AUTS2: variants seen among roughly 807,000 people sequenced by gnomAD.
AUTS2 encodes autism susceptibility gene 2 protein.
Under a neutral mutation model 112.4 loss-of-function variants are expected in AUTS2, and 17 were observed. That is an observed-to-expected ratio of 0.15 (90% confidence interval 0.10 to 0.23). AUTS2 has a LOEUF of 0.23. Among genes scored for constraint, AUTS2 ranks in the 10% least tolerant of loss-of-function variants. AUTS2 has a pLI of 1.00. For missense variants in AUTS2, 1,510 were observed against 1,701.6 expected, an observed-to-expected ratio of 0.89 and a Z score of 1.98; for synonymous variants, 751 against 702.7, an observed-to-expected ratio of 1.07 and a Z score of -1.09.
At chr7:70,581,420 C>T (rs373366932) in intron 5 of AUTS2, among the ~76,000 whole-genome samples, 15 of 152,022 alleles carry the variant, frequency 9.9e-5, no homozygotes, top group Non-Finnish European at 1.6e-4. Flanking sequence ...TAGCCGGGTG[C>T]GATGGCATGT....
At position 70,305,559 on chromosome 7, in the gene AUTS2, TTGGATTTCTGTAAC is replaced by T. The variant is rs140665854; in HGVS notation, c.661-130191_661-130178del. ...AATTTTATTGAATTGAGAAACATAC[TTGGATTTCTGTAAC>T]TCATGACAAGTAACAAATAAACAAT... On this transcript the variant is annotated intron_variant, in intron 4 of 18. Coordinates refer to ENST00000342771, the MANE Select transcript of AUTS2 (RefSeq NM_015570.4). Among the ~76,000 whole-genome samples the T allele has an allele frequency of 6.7e-3, 1,020 of 152,322 alleles. 8 individuals carry two copies. Among genetic ancestry groups the T allele is most frequent in the East Asian group, 0.051 (265 of 5,184 alleles).
At chr7:69,800,819 T>A (rs1790049739) in intron 1 of AUTS2, among the ~76,000 whole-genome samples, 1 of 152,196 alleles carries the variant, frequency 6.6e-6, no homozygotes, top group South Asian at 2.1e-4. Context: ...GCACTGTTCC[T>A]GAAGAGGGCT....
chr7:69,602,460 A>G (rs1679224555), intron 1 of AUTS2, among the ~76,000 whole-genome samples: 1 of 152,214 alleles, frequency 6.6e-6, no homozygotes. Flanking sequence ...AATTAAACAT[A>G]CAGAAGTAGA....
chr7:70,208,011 CAAAAAAA>C (rs61267230), intron 4 of AUTS2, among the ~76,000 whole-genome samples: 3 of 48,054 alleles, frequency 6.2e-5, no homozygotes, highest in Admixed American at 2.3e-4. Context: ...AACTCCATCT[CAAAAAAA>C]AAAAAAAAAA....
intron 4 of AUTS2, among the ~76,000 whole-genome samples, chr7:70,186,093 A>G (rs558268125): frequency 5.8e-4 from 89 of 152,176 alleles, no homozygotes; most frequent in Non-Finnish European, 1.2e-3. Context: ...TCAAAAGGTA[A>G]TTTCTTTTTG....
chr7:70,018,616 C>G (rs1800136963), intron 2 of AUTS2, among the ~76,000 whole-genome samples: 1 of 152,144 alleles, frequency 6.6e-6, no homozygotes, highest in African/African-American at 2.4e-5. Flanking sequence ...AATCCGATTC[C>G]TTATAAAAAA....
At chr7:70,124,588 G>T (rs1037179997) in intron 3 of AUTS2, among the ~76,000 whole-genome samples, 2 of 151,234 alleles carry the variant, frequency 1.3e-5, no homozygotes, top group Non-Finnish European at 2.9e-5. Flanking sequence ...TTCTGAGATG[G>T]TGTCTCGCTC....
At chr7:69,873,071 G>A (rs1199576565) in intron 1 of AUTS2, among the ~76,000 whole-genome samples, 1 of 151,616 alleles carries the variant, frequency 6.6e-6, no homozygotes, top group Non-Finnish European at 1.5e-5. Context: ...TCGAACTCCT[G>A]ACCTCAGCTG....
chr7:69,890,201 A>AATTT (rs1794459881), intron 1 of AUTS2, among the ~76,000 whole-genome samples: 1 of 152,048 alleles, frequency 6.6e-6, no homozygotes, highest in African/African-American at 2.4e-5. Context: ...GCCAACTCTC[A>AATTT]ATTATCTGTG....
At chr7:70,172,200 C>G (rs955264389) in intron 4 of AUTS2, among the ~76,000 whole-genome samples, 1 of 152,164 alleles carries the variant, frequency 6.6e-6, no homozygotes, top group African/African-American at 2.4e-5. Context: ...GGCCTGATCT[C>G]TCTGTTCCCC....
intron 5 of AUTS2, among the ~76,000 whole-genome samples, chr7:70,468,815 CA>C (rs1797266334): frequency 6.6e-6 from 1 of 151,708 alleles, no homozygotes; most frequent in Non-Finnish European, 1.5e-5. Context: ...AGGCAGTTAC[CA>C]AAAGTGGAAA....
chr7:69,773,034 T>C (rs576116056), intron 1 of AUTS2, among the ~76,000 whole-genome samples: 1 of 152,332 alleles, frequency 6.6e-6, no homozygotes, highest in South Asian at 2.1e-4. Context: ...GAATGAGGAC[T>C]CCAAGAGCCA....
chr7:69,771,851 C>T (rs1296073941), intron 1 of AUTS2, among the ~76,000 whole-genome samples: 1 of 150,616 alleles, frequency 6.6e-6, no homozygotes, highest in Non-Finnish European at 1.5e-5. Flanking sequence ...ATGGCGCGAT[C>T]TCGGCTCACT....
intron 5 of AUTS2, among the ~76,000 whole-genome samples, chr7:70,532,927 G>C (rs1327107806): frequency 6.6e-6 from 1 of 151,972 alleles, no homozygotes; most frequent in Admixed American, 6.5e-5. Flanking sequence ...TGTTTTTTTG[G>C]TTCCTTATCC....
chr7:70,707,244 A>T (rs1233263702), intron 6 of AUTS2, among the ~76,000 whole-genome samples: 1 of 152,214 alleles, frequency 6.6e-6, no homozygotes, highest in Non-Finnish European at 1.5e-5. Context: ...AGGGAAACTG[A>T]AGTTAGATAT....
chr7:69,700,092 A>G (rs1181007060), intron 1 of AUTS2, among the ~76,000 whole-genome samples: 1 of 152,160 alleles, frequency 6.6e-6, no homozygotes, highest in African/African-American at 2.4e-5. Flanking sequence ...CCATCTGTTT[A>G]AGAGTAGAGA....
At chr7:70,325,566 A>G (rs1044399597) in intron 4 of AUTS2, among the ~76,000 whole-genome samples, 2 of 152,164 alleles carry the variant, frequency 1.3e-5, no homozygotes, top group South Asian at 4.1e-4. Flanking sequence ...TTGTCTTCTT[A>G]TGGAGAATAT....
At chr7:70,028,450 CTA>C (rs1319808825) in intron 2 of AUTS2, among the ~76,000 whole-genome samples, 1 of 152,130 alleles carries the variant, frequency 6.6e-6, no homozygotes, top group Non-Finnish European at 1.5e-5. Context: ...ATAGATCATT[CTA>C]TGTTTTAAGT....
Position 70,790,057 on chromosome 7 carries a change from G to A in AUTS2, c.2841G>A (p.Pro947=), listed in dbSNP as rs1481928441. ...TGCCGTCTCCCTACGTGCGGACCCCGGTGGTGGAGAGTGCCAGGCCCAACA... is the reference window on the plus strand; with the variant it reads ...TGCCGTCTCCCTACGTGCGGACCCCAGTGGTGGAGAGTGCCAGGCCCAACA... ...ARVPSPYVRT[P]VVESARPNST... The change falls in exon 19 of 19, where the codon CCG becomes CCA. Residue 947 remains proline, a synonymous_variant. Coordinates refer to ENST00000342771, the MANE Select transcript of AUTS2 (RefSeq NM_015570.4). The surrounding 1 kb of genome is among the most constrained non-coding windows in gnomAD (Gnocchi z 7.6). The A allele has an allele frequency of 4.4e-6, 7 of 1,577,748 alleles. No individual in the cohort carries two copies. Among genetic ancestry groups the A allele is most frequent in the South Asian group, 2.3e-5 (2 of 86,980 alleles).
Sources: allele counts gnomAD v4.1 joint callset (sites outside exome capture counted in the v4.1 genomes callset), GRCh38; gene constraint gnomAD v4.1.1; non-coding constraint Gnocchi (gnomAD v3.1); transcripts MANE v1.5; gene names NCBI Gene and HGNC (gene_info 2026-07-23, HGNC 2026-07-21).